TSKS: variants seen among roughly 807,000 people sequenced by gnomAD.
TSKS encodes testis-specific serine kinase substrate.
In TSKS, 27 loss-of-function variants were observed where a neutral mutation model predicts 68.0. That is an observed-to-expected ratio of 0.40 (90% confidence interval 0.29 to 0.55). The LOEUF is 0.55. TSKS is among the 20% of genes least tolerant of loss of function. TSKS has a pLI of 0.53. For synonymous variants in TSKS, 331 were observed against 340.4 expected, an observed-to-expected ratio of 0.97 and a Z score of 0.30; for missense variants, 806 against 776.0, an observed-to-expected ratio of 1.04 and a Z score of -0.46.
intron 2 of TSKS, among the ~76,000 whole-genome samples, chr19:49,753,812 A>G (rs1305973318): frequency 6.6e-6 from 1 of 151,420 alleles, no homozygotes; most frequent in African/African-American, 2.4e-5. Flanking sequence ...ATAACAAGCA[A>G]TAATAACAAC....
chr19:49,740,087 G>A lies in TSKS; in HGVS notation c.1594C>T (p.Leu532=), dbSNP rs778867940. The change falls in exon 10 of 11, where the codon CTA becomes TTA. Residue 532 remains leucine, a synonymous_variant. Coordinates refer to ENST00000246801, the MANE Select transcript of TSKS (RefSeq NM_021733.2). ...AQDEALRAKN[L]LLTDKMKPEE... is the part of the protein sequence containing the mutation. ...GGCTTCATCTTGTCTGTCAGCAGTA[G>A]GTTCTTGGCCCGCAGGGCCTCGTCT... 1.4e-5 allele frequency: 23 copies of A among 1,614,058 alleles called. No homozygotes were observed. The highest frequency in any genetic ancestry group is 1.9e-5 in the Non-Finnish European group (23 of 1,180,048).
chr19:49,748,377 C>A lies in TSKS; in HGVS notation c.492G>T (p.Leu164=). The A allele has an allele frequency of 6.2e-7, 1 of 1,614,008 alleles. No homozygotes were observed. The highest frequency in any genetic ancestry group is 8.5e-7 in the Non-Finnish European group (1 of 1,179,890). ...TNRVNQHVQS[L]QSECSVLSEN... ...TGGATATAGGGGGTCCTCACACCTG[C>A]AGAGACTGCACGTGCTGGTTAACCC... The change falls in exon 3 of 11, where the codon CTG becomes CTT. Residue 164 remains leucine (L), a synonymous_variant. Transcript: ENST00000246801.
intron 7 of TSKS, 47 bp from the exon 8 acceptor site, chr19:49,744,451 T>A (rs755624839): frequency 1.2e-5 from 19 of 1,581,320 alleles, no homozygotes; most frequent in East Asian, 2.3e-5. Context: ...TTCAGCGGTA[T>A]AACCCTGGCA....
intron 1 of TSKS, 115 bp downstream of exon 1, chr19:49,762,963 C>T: frequency 7.2e-7 from 1 of 1,386,810 alleles, no homozygotes; most frequent in South Asian, 1.4e-5. Flanking sequence ...TTTCCTGCCC[C>T]CGACCTGCTG....
rs2084300484 is a variant in TSKS at position 49,746,412 on chromosome 19, C to G, written c.992+58G>C. The G allele has an allele frequency of 5.6e-6, 9 of 1,597,146 alleles. No homozygotes were observed. The Admixed American group carries it at 1.5e-4, about 27-fold the overall frequency. On this transcript the variant is annotated intron_variant, in intron 6 of 10. Coordinates refer to ENST00000246801, the MANE Select transcript of TSKS (RefSeq NM_021733.2). ...CCGCCCACCGCATCTCCTCGAGGCT[C>G]CACCCCTGAGTCCCCGCCGATCTCG...
At chr19:49,744,668 G>A (rs2123603337) in intron 7 of TSKS, among the ~76,000 whole-genome samples, 1 of 152,092 alleles carries the variant, frequency 6.6e-6, no homozygotes, top group South Asian at 2.1e-4. Flanking sequence ...CTGAAGCTTT[G>A]AACTCCTGGG....
intron 2 of TSKS, among the ~76,000 whole-genome samples, chr19:49,757,741 T>C (rs927159547): frequency 2.0e-5 from 3 of 152,078 alleles, no homozygotes; most frequent in Admixed American, 6.6e-5. Flanking sequence ...CCAGCCCCTG[T>C]GTCTGTTCCT....
At chr19:49,755,020 C>G (rs1192635421) in intron 2 of TSKS, among the ~76,000 whole-genome samples, 1 of 152,100 alleles carries the variant, frequency 6.6e-6, no homozygotes, top group Non-Finnish European at 1.5e-5. Flanking sequence ...TCGCTTGAAC[C>G]CAGGAGGCAG....
At chr19:49,762,276 G>C (rs570417163) in intron 1 of TSKS, 44 bp from the exon 2 acceptor site, 1 of 1,532,190 alleles carries the variant, frequency 6.5e-7, no homozygotes, top group Non-Finnish European at 8.9e-7. Flanking sequence ...GCAGCCCCAG[G>C]GTGTCTGGGC....
intron 2 of TSKS, among the ~76,000 whole-genome samples, chr19:49,751,301 CAAAAAAA>C (rs55750605): frequency 5.2e-3 from 182 of 35,112 alleles, no homozygotes; most frequent in African/African-American, 0.016. Flanking sequence ...GATTCCATCT[CAAAAAAA>C]AAAAAAAAAA....
At chr19:49,747,214 G>A in intron 5 of TSKS, 175 bp downstream of exon 5, 1 of 1,538,304 alleles carries the variant, frequency 6.5e-7, no homozygotes, top group South Asian at 1.2e-5. Flanking sequence ...CCCCATCTGG[G>A]TGTTGGAGCC....
chr19:49,759,698 G>A (rs954439098), intron 2 of TSKS, among the ~76,000 whole-genome samples: 6 of 151,308 alleles, frequency 4.0e-5, no homozygotes, highest in African/African-American at 7.3e-5. Context: ...AGCTGGGCAC[G>A]GTGGTGTACA....
chr19:49,745,958 C>T (rs1297688419), intron 6 of TSKS, among the ~76,000 whole-genome samples: 1 of 152,054 alleles, frequency 6.6e-6, no homozygotes, highest in Non-Finnish European at 1.5e-5. Context: ...CCGAGGCGGG[C>T]GGATCACGAG....
chr19:49,749,645 G>GAT (rs2084332772), intron 2 of TSKS, among the ~76,000 whole-genome samples: 3 of 151,732 alleles, frequency 2.0e-5, no homozygotes, highest in Non-Finnish European at 4.4e-5. Context: ...GTGTGTGGGG[G>GAT]GTCTCTCATT....
chr19:49,762,707 G>A (rs531301845), intron 1 of TSKS, among the ~76,000 whole-genome samples: 62 of 151,490 alleles, frequency 4.1e-4, no homozygotes, highest in Non-Finnish European at 8.0e-4. Flanking sequence ...GATTACAGGC[G>A]TGAGCCACCG....
In TSKS at chr19:49,748,185, G is replaced by C. The variant is rs1343200306; in HGVS notation, c.496-17C>G. The C allele has an allele frequency of 1.2e-6, 2 of 1,613,920 alleles. No individual in the cohort carries two copies. The highest frequency in any genetic ancestry group is 1.7e-6 in the Non-Finnish European group (2 of 1,179,768). On this transcript the variant is annotated splice_polypyrimidine_tract_variant and intron_variant, in intron 3 of 10. Transcript: ENST00000246801. Reference sequence around the variant, plus strand: ...ACACTCGCTCTGGAGCATGGAAGGAGGAGAGGTTAGCCAAGGACACGAGGG... The same window carrying C: ...ACACTCGCTCTGGAGCATGGAAGGACGAGAGGTTAGCCAAGGACACGAGGG...
At chr19:49,742,448 G>A (rs2084260403) in intron 8 of TSKS, among the ~76,000 whole-genome samples, 2 of 149,182 alleles carry the variant, frequency 1.3e-5, no homozygotes, top group South Asian at 2.1e-4. Context: ...TGCCCACCTC[G>A]GCCTCCCAAA....
intron 9 of TSKS, 65 bp downstream of exon 9, chr19:49,741,820 G>A (rs1338539143): frequency 6.2e-7 from 1 of 1,608,592 alleles, no homozygotes; most frequent in Non-Finnish European, 8.5e-7. Flanking sequence ...TTGAGTCCGG[G>A]GTTCCCCTCC....
chr19:49,761,271 G>A (rs924105406), intron 2 of TSKS, among the ~76,000 whole-genome samples: 2 of 152,166 alleles, frequency 1.3e-5, no homozygotes, highest in African/African-American at 2.4e-5. Context: ...CCTGTTTTAG[G>A]CCTGGCCCAG....
Sources: allele counts gnomAD v4.1 joint callset (sites outside exome capture counted in the v4.1 genomes callset), GRCh38; gene constraint gnomAD v4.1.1; transcripts MANE v1.5; gene names NCBI Gene and HGNC (gene_info 2026-07-23, HGNC 2026-07-21).